The following CLVS1 variants were observed in gnomAD, a reference collection of about 807,000 sequenced individuals.
CLVS1 encodes clavesin 1, also known as clavesin-1.
CLVS1 carries 10 observed loss-of-function variants against 33.1 expected under a neutral mutation model. That is an observed-to-expected ratio of 0.30 (90% CI 0.19 to 0.51). The LOEUF (loss-of-function observed/expected upper bound fraction) is 0.51. Ranked by LOEUF, CLVS1 falls within the 20% of genes least tolerant of loss-of-function variation. The pLI, the probability that CLVS1 is intolerant of heterozygous loss-of-function variation, is 0.97. For missense variants in CLVS1, 343 were observed against 433.4 expected, an observed-to-expected ratio of 0.79 and a Z score of 1.85; for synonymous variants, 163 against 166.1, an observed-to-expected ratio of 0.98 and a Z score of 0.14.
At chr8:61,420,191 C>T (rs1815599241) in intron 3 of CLVS1, among the ~76,000 whole-genome samples, 1 of 152,156 alleles carries the variant, frequency 6.6e-6, no homozygotes, top group Admixed American at 6.5e-5. Flanking sequence ...AATTTTCTCA[C>T]TCATACAACG....
chr8:61,273,143 T>C (rs1205243249), intron 2 of CLVS1, among the ~76,000 whole-genome samples: 29 of 148,712 alleles, frequency 2.0e-4, no homozygotes, highest in Non-Finnish European at 3.3e-4. Flanking sequence ...TGGTCTTTGA[T>C]GATGGTGATG....
chr8:61,458,605 C>A, intron 5 of CLVS1, 63 bp downstream of exon 5: 3 of 1,128,308 alleles, frequency 2.7e-6, no homozygotes, highest in Non-Finnish European at 3.7e-6. Context: ...TTTATTTGGA[C>A]CTATTGTGAA....
intron 2 of CLVS1, among the ~76,000 whole-genome samples, chr8:61,335,368 A>G (rs547987055): frequency 1.3e-5 from 2 of 152,348 alleles, no homozygotes; most frequent in East Asian, 3.9e-4. Context: ...TTCAGCCTCT[A>G]CCCAGGAATG....
chr8:61,204,707 A>G (rs1286488661), intron 2 of CLVS1, among the ~76,000 whole-genome samples: 4 of 152,262 alleles, frequency 2.6e-5, no homozygotes, highest in African/African-American at 9.6e-5. Context: ...AGATTACACT[A>G]TAAATGGGAA....
intron 2 of CLVS1, among the ~76,000 whole-genome samples, chr8:61,215,238 T>C (rs1808059009): frequency 6.6e-6 from 1 of 152,214 alleles, no homozygotes; most frequent in African/African-American, 2.4e-5. Flanking sequence ...TAGTAGTTTA[T>C]TTTTAAGCTG....
At chr8:61,253,415 C>T (rs758697353) in intron 2 of CLVS1, among the ~76,000 whole-genome samples, 8 of 152,118 alleles carry the variant, frequency 5.3e-5, no homozygotes, top group African/African-American at 1.4e-4. Flanking sequence ...TTGCTCTTCT[C>T]GAGGAGTAAC....
the CLVS1 span, among the ~76,000 whole-genome samples, chr8:60,982,276 T>C: frequency 6.6e-6 from 1 of 152,234 alleles, no homozygotes; most frequent in Non-Finnish European, 1.5e-5. Context: ...ACTAATAGAA[T>C]TTAGGAGCTG....
upstream of CLVS1, among the ~76,000 whole-genome samples, chr8:61,052,836 AC>A (rs1804408994): frequency 1.3e-5 from 2 of 152,158 alleles, no homozygotes; most frequent in South Asian, 2.1e-4. Context: ...GTTCATTCAG[AC>A]CGTTGACATG....
chr8:61,123,603 T>C (rs1805917700), intron 1 of CLVS1, among the ~76,000 whole-genome samples: 1 of 152,228 alleles, frequency 6.6e-6, no homozygotes, highest in African/African-American at 2.4e-5. Flanking sequence ...TTCTTCATTA[T>C]TAACTTAGTA....
chr8:61,200,464 T>C (rs1807705141), intron 2 of CLVS1, among the ~76,000 whole-genome samples: 2 of 152,262 alleles, frequency 1.3e-5, no homozygotes, highest in African/African-American at 4.8e-5. Context: ...TCGTTCCATA[T>C]GCAGGTGGTA....
chr8:61,199,230 A>C (rs1807678294), intron 2 of CLVS1, among the ~76,000 whole-genome samples: 2 of 152,210 alleles, frequency 1.3e-5, no homozygotes, highest in African/African-American at 4.8e-5. Flanking sequence ...CCAAAATCAA[A>C]TGTAACAAAG....
intron 2 of CLVS1, among the ~76,000 whole-genome samples, chr8:61,372,751 C>T (rs1813491297): frequency 6.6e-6 from 1 of 152,134 alleles, no homozygotes. Context: ...CAATTTTGAG[C>T]AGTACCTGTC....
intron 3 of CLVS1, among the ~76,000 whole-genome samples, chr8:61,403,168 T>G (rs1814836476): frequency 6.6e-6 from 1 of 152,114 alleles, no homozygotes; most frequent in African/African-American, 2.4e-5. Context: ...ATGTTCCAGA[T>G]AGAAGAAACA....
At chr8:61,326,901 A>G (rs1414561700) in intron 2 of CLVS1, among the ~76,000 whole-genome samples, 1 of 152,202 alleles carries the variant, frequency 6.6e-6, no homozygotes, top group Non-Finnish European at 1.5e-5. Context: ...TCCACATTAT[A>G]AATGTAGCCA....
chr8:61,477,746 C>T (rs1008413624), intron 5 of CLVS1, among the ~76,000 whole-genome samples: 12 of 151,810 alleles, frequency 7.9e-5, no homozygotes, highest in Non-Finnish European at 7.4e-5. Context: ...TTTCAAAAAA[C>T]CAGCTCCTGG....
the CLVS1 span, among the ~76,000 whole-genome samples, chr8:61,006,551 T>C: frequency 1.3e-5 from 2 of 152,214 alleles, no homozygotes; most frequent in Non-Finnish European, 1.5e-5. Flanking sequence ...CAAATGATCC[T>C]GAGCAGACAG....
At chr8:61,320,383 A>C (rs1811153290) in intron 2 of CLVS1, among the ~76,000 whole-genome samples, 1 of 150,320 alleles carries the variant, frequency 6.7e-6, no homozygotes. Context: ...AAGTTTGTTA[A>C]AAAAAAAAGA....
chr8:61,479,678 G>T (rs1417288810), intron 5 of CLVS1, among the ~76,000 whole-genome samples: 1 of 152,044 alleles, frequency 6.6e-6, no homozygotes, highest in Non-Finnish European at 1.5e-5. Flanking sequence ...AGAGTTTCCG[G>T]TTTTTCTGCT....
intron 2 of CLVS1, among the ~76,000 whole-genome samples, chr8:61,342,493 C>T (rs1314909780): frequency 6.6e-6 from 1 of 152,228 alleles, no homozygotes; most frequent in African/African-American, 2.4e-5. Context: ...TTCCGCTTTT[C>T]GCACTATGTG....
Sources: allele counts gnomAD v4.1 joint callset (sites outside exome capture counted in the v4.1 genomes callset), GRCh38; gene constraint gnomAD v4.1.1; transcripts MANE v1.5; gene names NCBI Gene and HGNC (gene_info 2026-07-23, HGNC 2026-07-21).